CELF4: variants seen among roughly 807,000 people sequenced by gnomAD.
CELF4 encodes CUGBP Elav-like family member 4, also known as CUG-BP- and ETR-3-like factor 4.
In CELF4, 18 loss-of-function variants were observed where a neutral mutation model predicts 59.9. The observed-to-expected ratio is 0.30, with a 90% CI of 0.21 to 0.45. The LOEUF is 0.45. CELF4 is among the 20% of genes least tolerant of loss of function. The probability of loss-of-function intolerance (pLI) is 1.00; values close to 1 mark genes in which losing one functional copy is unlikely to be tolerated. For missense variants in CELF4, 456 were observed against 689.0 expected (o/e 0.66, Z 3.79); for synonymous variants, 261 against 267.1 (o/e 0.98, Z 0.22).
intron 2 of CELF4, among the ~76,000 whole-genome samples, chr18:37,387,007 TAGAG>T (rs1423272920): frequency 6.6e-6 from 1 of 152,220 alleles, no homozygotes; most frequent in African/African-American, 2.4e-5. Flanking sequence ...CTCTTGGCGA[TAGAG>T]AGACGGCACG....
intron 1 of CELF4, among the ~76,000 whole-genome samples, chr18:37,535,583 T>C (rs2099972843): frequency 6.6e-6 from 1 of 152,194 alleles, no homozygotes; most frequent in South Asian, 2.1e-4. Flanking sequence ...CACGCTCCCC[T>C]GTGTGCACAT....
chr18:37,259,275 GGGAGGGGGTGGGCGGGGGA>G lies in CELF4; in HGVS notation c.1250-30_1250-12del. ...TACAGCCCTCGGGCCCTGCGGTGAG[GGGAGGGGGTGGGCGGGGGA>G]GGAGGGATGGCAGGGTGGGGGAAGA... On this transcript the variant is annotated splice_polypyrimidine_tract_variant and intron_variant, in intron 10 of 12. Transcript: ENST00000420428. 2 of 1,168,822 alleles carry G rather than the reference GGGAGGGGGTGGGCGGGGGA, an allele frequency of 1.7e-6. No homozygotes were observed. Among genetic ancestry groups the G allele is most frequent in the Non-Finnish European group, 1.3e-6 (1 of 784,800 alleles). The allele number at this position is 1,168,822 out of a possible 1,614,324, so 72.4% of individuals were successfully genotyped here.
chr18:37,533,687 A>G (rs1291637320), intron 1 of CELF4, among the ~76,000 whole-genome samples: 1 of 152,248 alleles, frequency 6.6e-6, no homozygotes, highest in Non-Finnish European at 1.5e-5. Context: ...AACAATTTGC[A>G]TTCACTATTT....
intron 2 of CELF4, among the ~76,000 whole-genome samples, chr18:37,357,136 G>A (rs1337840651): frequency 6.6e-6 from 1 of 152,224 alleles, no homozygotes; most frequent in Admixed American, 6.5e-5. Flanking sequence ...AGAGGGTCTA[G>A]CAGCATCAGA....
At chr18:37,298,619 G>A (rs1207087763) in intron 3 of CELF4, among the ~76,000 whole-genome samples, 15 of 151,972 alleles carry the variant, frequency 9.9e-5, no homozygotes, top group Admixed American at 9.8e-4. Context: ...CAGCTACTCC[G>A]GAGGCTGAGG....
At chr18:37,458,840 T>C (rs1408499834) in intron 2 of CELF4, among the ~76,000 whole-genome samples, 2 of 152,238 alleles carry the variant, frequency 1.3e-5, no homozygotes, top group East Asian at 3.8e-4. Context: ...GTGGAGCCTG[T>C]TGTTTGCAGA....
chr18:37,322,993 G>A (rs1249757915), intron 2 of CELF4, among the ~76,000 whole-genome samples: 1 of 152,152 alleles, frequency 6.6e-6, no homozygotes, highest in African/African-American at 2.4e-5. Context: ...TCTGTCCTGC[G>A]CTTTGAGACC....
chr18:37,357,029 T>C (rs1426415309), intron 2 of CELF4, among the ~76,000 whole-genome samples: 1 of 152,188 alleles, frequency 6.6e-6, no homozygotes, highest in Non-Finnish European at 1.5e-5. Context: ...TGCCCCAGGT[T>C]CCACCACTCG....
At chr18:37,536,827 A>G (rs1363626524) in intron 1 of CELF4, among the ~76,000 whole-genome samples, 1 of 152,154 alleles carries the variant, frequency 6.6e-6, no homozygotes, top group Non-Finnish European at 1.5e-5. Context: ...TAAAGCTCCC[A>G]GGCCTGGAGG....
At chr18:37,491,903 C>G (rs962049692) in intron 1 of CELF4, among the ~76,000 whole-genome samples, 1 of 152,126 alleles carries the variant, frequency 6.6e-6, no homozygotes, top group African/African-American at 2.4e-5. Context: ...TTACAAAGCC[C>G]CCATGTGCCG....
At chr18:37,338,871 C>T (rs1250643812) in intron 2 of CELF4, among the ~76,000 whole-genome samples, 1 of 151,894 alleles carries the variant, frequency 6.6e-6, no homozygotes, top group African/African-American at 2.4e-5. Flanking sequence ...AGCGCTGTGC[C>T]CCAGGGCCAG....
intron 3 of CELF4, among the ~76,000 whole-genome samples, chr18:37,318,672 T>C (rs1396481333): frequency 7.3e-6 from 1 of 137,374 alleles, no homozygotes; most frequent in Non-Finnish European, 1.6e-5. Flanking sequence ...ATAAAAGAGC[T>C]GAGTAATCTG....
At chr18:37,449,301 C>T (rs1603641450) in intron 2 of CELF4, among the ~76,000 whole-genome samples, 1 of 152,120 alleles carries the variant, frequency 6.6e-6, no homozygotes, top group Admixed American at 6.6e-5. Flanking sequence ...CTGAGAGTTA[C>T]TGGGCCAGTG....
chr18:37,274,440 A>G lies in CELF4; in HGVS notation c.672T>C (p.Ser224=). 6.2e-7 allele frequency: 1 copy of G among 1,612,956 alleles called. No individual in the cohort carries two copies. Among genetic ancestry groups the G allele is most frequent in the Non-Finnish European group, 8.5e-7 (1 of 1,179,814 alleles). The part of the protein sequence containing the change: ...GSQTMPGASS[S]LVVKFADTDK... The stretch of plus-strand genomic sequence containing the variant: ...CGGTGTCGGCGAACTTGACCACCAG[A>G]CTGGACGAGGCTCCCTGCGGCCGGG... Residue 224 remains serine (S), a synonymous_variant, in exon 6 of 13, where the codon AGT becomes AGC. Transcript: ENST00000420428.
At chr18:37,250,819 C>G (rs566552538) in intron 12 of CELF4, among the ~76,000 whole-genome samples, 1 of 152,172 alleles carries the variant, frequency 6.6e-6, no homozygotes, top group Non-Finnish European at 1.5e-5. Flanking sequence ...GCTGGGAAGC[C>G]TGACAGCACC....
chr18:37,511,321 A>T (rs948539), intron 1 of CELF4, among the ~76,000 whole-genome samples: 17 of 152,096 alleles, frequency 1.1e-4, no homozygotes, highest in African/African-American at 2.2e-4. Context: ...TGATGCTTCC[A>T]GCAAGCCAAG....
chr18:37,243,854 C>G lies in CELF4; in HGVS notation c.*1388G>C. The G allele has an allele frequency of 5.7e-6, 1 of 176,594 alleles. No individual in the cohort carries two copies. The highest frequency in any genetic ancestry group is 6.3e-5 in the Admixed American group (1 of 15,838). 10.9% of individuals were successfully genotyped at this position (176,594 alleles called of 1,614,324 possible). A position where few individuals can be genotyped will look rare whatever the true frequency, so the allele number is the denominator to read the frequency against. The stretch of plus-strand genomic sequence containing the variant: ...GAGCAAGCGTGGAAGGCGAGTGAAG[C>G]GGAAGGTGAGTGAAGCGCGCGCAGC... On this transcript the variant is annotated 3_prime_UTR_variant, in exon 13 of 13. Coordinates refer to ENST00000420428, the MANE Select transcript of CELF4 (RefSeq NM_020180.4).
intron 3 of CELF4, among the ~76,000 whole-genome samples, chr18:37,298,256 G>A (rs570841824): frequency 1.1e-4 from 16 of 152,304 alleles, no homozygotes; most frequent in African/African-American, 3.4e-4. Context: ...AAGGATCATA[G>A]CTTTTCTCAC....
intron 3 of CELF4, among the ~76,000 whole-genome samples, chr18:37,289,516 C>T (rs980835397): frequency 6.6e-6 from 1 of 152,096 alleles, no homozygotes; most frequent in African/African-American, 2.4e-5. Flanking sequence ...GGTGAAGGCC[C>T]CCGCTTGCTA....
Sources: gnomAD v4.1 joint callset for allele counts (sites outside exome capture counted in the v4.1 genomes callset) on GRCh38, gnomAD v4.1.1 for gene constraint, MANE v1.5 for transcripts, NCBI Gene and HGNC (gene_info 2026-07-23, HGNC 2026-07-21) for gene names.